Variants in UXS1 observed in about 807,000 individuals in gnomAD.
The protein encoded by UXS1 is UDP-glucuronate decarboxylase 1.
UXS1 carries 33 observed loss-of-function variants against 62.6 expected under a neutral mutation model. The observed-to-expected ratio is 0.53, with a 90% CI of 0.40 to 0.70. The LOEUF is 0.70. UXS1 is among the 30% of genes least tolerant of loss of function. The pLI is 0.00. For synonymous variants in UXS1, 213 were observed against 206.8 expected (o/e 1.03, Z -0.26); for missense variants, 434 against 556.3 (o/e 0.78, Z 2.21).
At chr2:106,095,236 T>A (rs1451948023) in intron 14 of UXS1, among the ~76,000 whole-genome samples, 1 of 152,198 alleles carries the variant, frequency 6.6e-6, no homozygotes, top group East Asian at 1.9e-4. Flanking sequence ...AAATATAGGC[T>A]CTCCTTACAA....
At chr2:106,157,957 G>A (rs1030191365) in intron 5 of UXS1, 101 bp downstream of exon 5, 26 of 1,049,304 alleles carry the variant, frequency 2.5e-5, no homozygotes, top group African/African-American at 2.1e-4. Flanking sequence ...CCACTGAATC[G>A]TATCTTTGAG....
intron 2 of UXS1, 70 bp downstream of exon 2, chr2:106,165,986 G>A (rs1683186723): frequency 6.9e-7 from 1 of 1,441,368 alleles, no homozygotes; most frequent in African/African-American, 1.4e-5. Context: ...GACATCCATG[G>A]TATATATGTA....
At chr2:106,148,162 T>A (rs966579559) in intron 5 of UXS1, among the ~76,000 whole-genome samples, 1 of 152,220 alleles carries the variant, frequency 6.6e-6, no homozygotes, top group Non-Finnish European at 1.5e-5. Flanking sequence ...CCTGTCAATT[T>A]GTCTGGTTCG....
chr2:106,169,582 CG>C (rs1265327436), intron 1 of UXS1, among the ~76,000 whole-genome samples: 1 of 152,004 alleles, frequency 6.6e-6, no homozygotes, highest in Admixed American at 6.6e-5. Context: ...AGCTACATGG[CG>C]GGGGCAGAAG....
At chr2:106,149,411 T>C (rs890369240) in intron 5 of UXS1, among the ~76,000 whole-genome samples, 2 of 152,192 alleles carry the variant, frequency 1.3e-5, no homozygotes, top group Admixed American at 1.3e-4. Context: ...GTGGGGTGAT[T>C]AGGCCATGAG....
At chr2:106,111,531 C>A (rs559710628) in intron 10 of UXS1, among the ~76,000 whole-genome samples, 2 of 152,164 alleles carry the variant, frequency 1.3e-5, no homozygotes, top group South Asian at 4.1e-4. Flanking sequence ...ACACACACCA[C>A]GGAGAATGCT....
intron 1 of UXS1, among the ~76,000 whole-genome samples, chr2:106,178,311 A>G (rs556102160): frequency 2.6e-5 from 4 of 152,300 alleles, no homozygotes; most frequent in South Asian, 4.1e-4. Flanking sequence ...AGTTCTCCAG[A>G]ACAATCTGGT....
At chr2:106,125,082 A>G (rs770300702) in intron 8 of UXS1, among the ~76,000 whole-genome samples, 1 of 152,190 alleles carries the variant, frequency 6.6e-6, no homozygotes, top group African/African-American at 2.4e-5. Flanking sequence ...ACTCCTTCTC[A>G]GGCAGTGAAG....
intron 5 of UXS1, among the ~76,000 whole-genome samples, chr2:106,153,053 C>T (rs1682159052): frequency 6.6e-6 from 1 of 152,148 alleles, no homozygotes; most frequent in South Asian, 2.1e-4. Flanking sequence ...TATAAGGGTG[C>T]TCTCAAGAAC....
intron 14 of UXS1, 92 bp from the exon 15 acceptor site, chr2:106,094,249 C>CACCTTGCAGGAAGGAAGTGCA: frequency 6.3e-7 from 1 of 1,585,460 alleles, no homozygotes; most frequent in Non-Finnish European, 8.6e-7. Context: ...AAGGAAGTGC[C>CACCTTGCAGGAAGGAAGTGCA]ACCTTGCAGC....
intron 1 of UXS1, among the ~76,000 whole-genome samples, chr2:106,181,827 G>A (rs748998706): frequency 2.6e-5 from 4 of 152,180 alleles, no homozygotes; most frequent in African/African-American, 4.8e-5. Flanking sequence ...AGAAACCTAG[G>A]AGTGCTAACG....
intron 1 of UXS1, among the ~76,000 whole-genome samples, chr2:106,170,228 G>A (rs1460475119): frequency 2.0e-5 from 3 of 152,094 alleles, no homozygotes; most frequent in Non-Finnish European, 2.9e-5. Context: ...CCTTCAGCTC[G>A]TCTACAGGTA....
At chr2:106,113,225 GCTCT>G (rs1239816183) in intron 9 of UXS1, among the ~76,000 whole-genome samples, 4 of 152,150 alleles carry the variant, frequency 2.6e-5, no homozygotes, top group East Asian at 1.9e-4. Context: ...ATACAAGAAA[GCTCT>G]CTATCTTAGG....
At chr2:106,140,433 A>T (rs1558715724) in intron 6 of UXS1, among the ~76,000 whole-genome samples, 1 of 152,218 alleles carries the variant, frequency 6.6e-6, no homozygotes, top group Non-Finnish European at 1.5e-5. Flanking sequence ...AAAATATTCT[A>T]ATCAGAGCTG....
At chr2:106,150,390 C>T (rs1433769658) in intron 5 of UXS1, among the ~76,000 whole-genome samples, 1 of 152,206 alleles carries the variant, frequency 6.6e-6, no homozygotes, top group African/African-American at 2.4e-5. Context: ...ACCCTGAAGG[C>T]ATTTCAGAAA....
At chr2:106,141,818 T>TG (rs528833724) in intron 6 of UXS1, among the ~76,000 whole-genome samples, 424 of 151,386 alleles carry the variant, frequency 2.8e-3, no homozygotes, top group Non-Finnish European at 4.8e-3. Context: ...TGTTTTTAAT[T>TG]GGAAAAAAAA....
chr2:106,153,117 A>G (rs1422460366), intron 5 of UXS1, among the ~76,000 whole-genome samples: 1 of 152,224 alleles, frequency 6.6e-6, no homozygotes. Flanking sequence ...CTATGAGAAT[A>G]AAAAGCTAAA....
chr2:106,108,261 T>C (rs1036244393), intron 10 of UXS1, among the ~76,000 whole-genome samples: 1 of 152,202 alleles, frequency 6.6e-6, no homozygotes, highest in Non-Finnish European at 1.5e-5. Flanking sequence ...ATTCACTGTG[T>C]GCGCTAATGT....
At chr2:106,176,691 T>G (rs1291006109) in intron 1 of UXS1, among the ~76,000 whole-genome samples, 1 of 152,184 alleles carries the variant, frequency 6.6e-6, no homozygotes, top group Non-Finnish European at 1.5e-5. Flanking sequence ...CTGTGCTCAT[T>G]CTAAGCGGTT....
Sources: allele counts gnomAD v4.1 joint callset (sites outside exome capture counted in the v4.1 genomes callset), GRCh38; gene constraint gnomAD v4.1.1; transcripts MANE v1.5; gene names NCBI Gene and HGNC (gene_info 2026-07-23, HGNC 2026-07-21).